Variants in VWF observed in about 807,000 individuals in gnomAD.
The protein encoded by VWF is von Willebrand factor, also known as Factor VIII related antigen.
A neutral mutation model predicts 308.6 loss-of-function variants in VWF; 176 were observed. That is an observed-to-expected ratio of 0.57 (90% CI 0.50 to 0.65). The LOEUF is 0.65. VWF is among the 30% of genes least tolerant of loss of function. The pLI, the probability that VWF is intolerant of heterozygous loss-of-function variation, is 0.00. For missense variants in VWF, 3,146 were observed against 3,648.2 expected (o/e 0.86, Z 3.55); for synonymous variants, 1,385 against 1,443.4 (o/e 0.96, Z 0.92).
Position 6,024,045 on chromosome 12 carries a change from C to A in VWF, c.3223-258G>T, listed in dbSNP as rs761000115. On this transcript the variant is annotated intron_variant, in intron 24 of 51. Coordinates refer to ENST00000261405, the MANE Select transcript of VWF (RefSeq NM_000552.5). The surrounding 1 kb of genome is among the most constrained non-coding windows in gnomAD (Gnocchi z 4.0). Reference sequence around the variant, plus strand: ...AGAACACAATGAGCCTGAGGATTTTCCAGAAGAACATTCCCTCTGTCCCTC... The same window carrying A: ...AGAACACAATGAGCCTGAGGATTTTACAGAAGAACATTCCCTCTGTCCCTC... Among the ~76,000 whole-genome samples the A allele has an allele frequency of 4.0e-4, 61 of 152,326 alleles. No individual in the cohort carries two copies. The highest frequency in any genetic ancestry group is 7.8e-4 in the Non-Finnish European group (53 of 68,034).
At chr12:6,090,633 G>GCCC (rs1565385727) in intron 6 of VWF, among the ~76,000 whole-genome samples, 2 of 23,620 alleles carry the variant, frequency 8.5e-5, no homozygotes, top group African/African-American at 3.9e-4. Flanking sequence ...CCTCCTTCTC[G>GCCC]TCCTCCTCCT....
chr12:6,087,220 A>G (rs1484285719), intron 6 of VWF, among the ~76,000 whole-genome samples: 1 of 152,148 alleles, frequency 6.6e-6, no homozygotes, highest in African/African-American at 2.4e-5. Flanking sequence ...GGGACACGGA[A>G]GGACAGGGCT....
At chr12:5,993,815 C>A in intron 37 of VWF, 47 bp downstream of exon 37, 1 of 1,582,962 alleles carries the variant, frequency 6.3e-7, no homozygotes, top group African/African-American at 1.3e-5. Context: ...CTGAGCAAGC[C>A]CAGTTAGCTG....
chr12:6,120,072 C>T (rs1294781693), intron 3 of VWF, among the ~76,000 whole-genome samples: 1 of 152,146 alleles, frequency 6.6e-6, no homozygotes, highest in Non-Finnish European at 1.5e-5. Context: ...GAGCTCATAG[C>T]TATAGCCAGG....
chr12:6,045,458 G>A (rs1944437453), intron 17 of VWF, among the ~76,000 whole-genome samples: 2 of 152,248 alleles, frequency 1.3e-5, no homozygotes, highest in South Asian at 2.1e-4. Context: ...CAGAAGCACG[G>A]AAGGTAGGTC....
In VWF at chr12:6,075,306, G is replaced by A; in HGVS notation, c.874+29C>T. 1 of 1,613,142 alleles carries A rather than the reference G, an allele frequency of 6.2e-7. No individual in the cohort carries two copies. The highest frequency in any genetic ancestry group is 2.2e-5 in the East Asian group (1 of 44,880). On this transcript the variant is annotated intron_variant, in intron 7 of 51. Transcript: ENST00000261405. The surrounding 1 kb of genome is among the most constrained non-coding windows in gnomAD (Gnocchi z 4.7). ...CAGGACAGACCGTTCATCCCCGGCA[G>A]GGCAGGACGGGGCAGGGGGCCGACT...
intron 14 of VWF, among the ~76,000 whole-genome samples, chr12:6,057,311 A>ATTTTTTTTTTTTTTTTTTT (rs1250165048): frequency 1.5e-4 from 20 of 129,380 alleles, no homozygotes; most frequent in East Asian, 4.3e-4. Flanking sequence ...GGACTATGGA[A>ATTTTTTTTTTTTTTTTTTT]TTTTTTTTTT....
intron 10 of VWF, among the ~76,000 whole-genome samples, chr12:6,068,647 T>TTTTTTG (rs1212910076): frequency 6.6e-6 from 1 of 151,180 alleles, no homozygotes; most frequent in Non-Finnish European, 1.5e-5. Context: ...TTTCTGTGGG[T>TTTTTTG]TTTTTGTTTT....
intron 32 of VWF, among the ~76,000 whole-genome samples, chr12:6,013,153 T>C (rs1456460495): frequency 6.6e-6 from 1 of 152,206 alleles, no homozygotes; most frequent in Non-Finnish European, 1.5e-5. Context: ...TACGGAACGC[T>C]GGGGTTCCTT....
chr12:6,015,466 A>C (rs1016362801), intron 31 of VWF, among the ~76,000 whole-genome samples: 2 of 151,848 alleles, frequency 1.3e-5, no homozygotes, highest in African/African-American at 4.8e-5. Flanking sequence ...GGTGGCCACG[A>C]GGGGACTCAA....
rs1715764663 is a variant in VWF at position 5,968,178 on chromosome 12, GA to G, written c.7730-12del. On this transcript the variant is annotated splice_polypyrimidine_tract_variant and intron_variant, in intron 45 of 51. Coordinates refer to ENST00000261405, the MANE Select transcript of VWF (RefSeq NM_000552.5). The stretch of plus-strand genomic sequence containing the variant: ...AGGCCTCCATGCGCTCTGGGGGAGA[GA>G]AAAGTGCAGAGTGAGAGTGGGCAAA... 1.9e-6 allele frequency: 3 copies of G among 1,613,978 alleles called. No homozygotes were observed. Among genetic ancestry groups the G allele is most frequent in the Non-Finnish European group, 1.7e-6 (2 of 1,179,954 alleles).
intron 22 of VWF, among the ~76,000 whole-genome samples, chr12:6,026,282 G>A (rs1944191518): frequency 6.6e-6 from 1 of 152,272 alleles, no homozygotes; most frequent in African/African-American, 2.4e-5. Flanking sequence ...TGGAAACAGA[G>A]AGGCAACATG....
chr12:5,986,917 T>TTTTG (rs72318044), intron 38 of VWF, among the ~76,000 whole-genome samples: 122 of 151,172 alleles, frequency 8.1e-4, no homozygotes, highest in African/African-American at 2.8e-3. Context: ...ATGTTTTGGT[T>TTTTG]TTTGTTTGTT....
rs952750598 is a variant in VWF at position 6,041,687 on chromosome 12, T to C, written c.2442+2604A>G. Among the ~76,000 whole-genome samples, 11 of 152,178 alleles carry C rather than the reference T, an allele frequency of 7.2e-5. No individual in the cohort carries two copies. The East Asian group carries it at 2.2e-3, about 30-fold the overall frequency. ...TGGTCTCGATCTCCTGACCTCGTAATCCGCCCGCCTCAGCCTCCCAAAGTG... is the reference window on the plus strand; with the variant it reads ...TGGTCTCGATCTCCTGACCTCGTAACCCGCCCGCCTCAGCCTCCCAAAGTG... On this transcript the variant is annotated intron_variant, in intron 18 of 51. Coordinates refer to ENST00000261405, the MANE Select transcript of VWF (RefSeq NM_000552.5).
At chr12:6,034,981 G>T (rs533333937) in intron 19 of VWF, among the ~76,000 whole-genome samples, 155 bp from the exon 20 acceptor site, 3 of 152,264 alleles carry the variant, frequency 2.0e-5, no homozygotes, top group African/African-American at 2.4e-5. Context: ...CGTGGAGTGT[G>T]GACTTCATAG....
At chr12:6,025,178 A>G (rs1179807363) in intron 24 of VWF, among the ~76,000 whole-genome samples, 1 of 152,230 alleles carries the variant, frequency 6.6e-6, no homozygotes, top group African/African-American at 2.4e-5. Flanking sequence ...AGAAATGGGC[A>G]CCAAGGGGTT....
At chr12:6,072,523 A>G (rs1944792906) in intron 8 of VWF, 81 bp from the exon 9 acceptor site, 1 of 1,198,758 alleles carries the variant, frequency 8.3e-7, no homozygotes, top group Non-Finnish European at 1.2e-6. Context: ...CCCCAGGGAC[A>G]ATGGTTGGGT....
chr12:6,055,289 C>T (rs12304995), intron 15 of VWF, among the ~76,000 whole-genome samples: 60,799 of 152,112 alleles, frequency 0.4, 13,246 homozygotes, highest in African/African-American at 0.56. Context: ...ATTTCTAACA[C>T]TGGTGGACAA....
chr12:5,950,038 C>T (rs750070068), intron 50 of VWF, among the ~76,000 whole-genome samples, 155 bp from the exon 51 acceptor site: 23 of 152,192 alleles, frequency 1.5e-4, no homozygotes, highest in Admixed American at 3.9e-4. Flanking sequence ...CCTGGTTCAC[C>T]TCAGCTGTTC....
Sources: allele counts gnomAD v4.1 joint callset (sites outside exome capture counted in the v4.1 genomes callset), GRCh38; gene constraint gnomAD v4.1.1; non-coding constraint Gnocchi (gnomAD v3.1); transcripts MANE v1.5; gene names NCBI Gene and HGNC (gene_info 2026-07-23, HGNC 2026-07-21).